The following SMIM46 variants were observed in gnomAD, a reference collection of about 807,000 sequenced individuals.
The protein encoded by SMIM46 is small integral membrane protein 46.
the SMIM46 span, chr19:14,112,420 C>G: frequency 6.6e-5 from 10 of 150,904 alleles, no homozygotes; most frequent in African/African-American, 2.0e-4. Context: ...GCTGCAGCCA[C>G]AGCTGGAAGG....
chr19:14,112,370 T>A, the SMIM46 span: 1 of 151,966 alleles, frequency 6.6e-6, no homozygotes, highest in Non-Finnish European at 1.5e-5. Flanking sequence ...GCGGTGCAGG[T>A]AGCCCAGGAA....
the SMIM46 span, chr19:14,112,433 G>T: frequency 6.6e-6 from 1 of 150,906 alleles, no homozygotes; most frequent in East Asian, 1.9e-4. Flanking sequence ...CTGGAAGGTG[G>T]TCTCCAAGTC....
At chr19:14,112,426 G>A in the SMIM46 span, 1 of 150,874 alleles carries the variant, frequency 6.6e-6, no homozygotes, top group Non-Finnish European at 1.5e-5. Context: ...GCCACAGCTG[G>A]AAGGTGGTCT....
the SMIM46 span, chr19:14,112,347 G>A: frequency 6.6e-6 from 1 of 152,510 alleles, no homozygotes; most frequent in African/African-American, 2.4e-5. Flanking sequence ...TGTGGCTTAG[G>A]CCCCCGGAAG....
chr19:14,112,427 A>T, the SMIM46 span: 1 of 150,832 alleles, frequency 6.6e-6, no homozygotes, highest in East Asian at 1.9e-4. Flanking sequence ...CCACAGCTGG[A>T]AGGTGGTCTC....
the SMIM46 span, chr19:14,112,342 C>T: frequency 6.6e-6 from 1 of 152,538 alleles, no homozygotes; most frequent in Non-Finnish European, 1.5e-5. Context: ...CTGGCTGTGG[C>T]TTAGGCCCCC....
chr19:14,112,472 T>TCCATCCC, the SMIM46 span: 1 of 151,858 alleles, frequency 6.6e-6, no homozygotes, highest in Non-Finnish European at 1.5e-5. Flanking sequence ...TGATCCCAGA[T>TCCATCCC]CCATCCCCAG....
At chr19:14,112,426 G>T in the SMIM46 span, 1 of 150,874 alleles carries the variant, frequency 6.6e-6, no homozygotes, top group Non-Finnish European at 1.5e-5. Context: ...GCCACAGCTG[G>T]AAGGTGGTCT....
At chr19:14,112,398 C>A in the SMIM46 span, 1 of 151,860 alleles carries the variant, frequency 6.6e-6, no homozygotes, top group African/African-American at 2.4e-5. Flanking sequence ...GCCAGGTGGG[C>A]CCAGAGGAGC....
At chr19:14,112,395 G>A in the SMIM46 span, 3 of 152,396 alleles carry the variant, frequency 2.0e-5, no homozygotes, top group South Asian at 2.1e-4. Flanking sequence ...ACAGCCAGGT[G>A]GGCCCAGAGG....
the SMIM46 span, chr19:14,112,359 T>G: frequency 6.6e-6 from 1 of 152,294 alleles, no homozygotes; most frequent in Non-Finnish European, 1.5e-5. Flanking sequence ...CCCCGGAAGG[T>G]GCGGTGCAGG....
At chr19:14,112,432 G>A in the SMIM46 span, 3 of 150,818 alleles carry the variant, frequency 2.0e-5, no homozygotes, top group African/African-American at 7.5e-5. Flanking sequence ...GCTGGAAGGT[G>A]GTCTCCAAGT....
Sources: allele counts gnomAD v4.1 joint callset, GRCh38; gene constraint gnomAD v4.1.1; transcripts MANE v1.5; gene names NCBI Gene and HGNC (gene_info 2026-07-23, HGNC 2026-07-21).